Variants in ERBB4 observed in about 807,000 individuals in gnomAD.
The protein encoded by ERBB4 is erb-b2 receptor tyrosine kinase 4.
In ERBB4, 42 loss-of-function variants were observed where a neutral mutation model predicts 158.0. The ratio of observed to expected loss-of-function variants is 0.27; its 90% confidence interval spans 0.21 to 0.34. The LOEUF (loss-of-function observed/expected upper bound fraction) is 0.34. Among genes scored for constraint, ERBB4 ranks in the 10% least tolerant of loss-of-function variants. The probability of loss-of-function intolerance (pLI) is 1.00; values close to 1 mark genes in which losing one functional copy is unlikely to be tolerated. For synonymous variants in ERBB4, 583 were observed against 558.7 expected (o/e 1.04, Z -0.61); for missense variants, 1,333 against 1,624.1 (o/e 0.82, Z 3.08).
At chr2:212,156,939 A>G (rs985446407) in intron 1 of ERBB4, among the ~76,000 whole-genome samples, 7 of 152,114 alleles carry the variant, frequency 4.6e-5, no homozygotes, top group Non-Finnish European at 8.8e-5. Context: ...AATTACAGGA[A>G]TGGACTCCTA....
At chr2:212,247,075 A>G (rs1222190415) in intron 1 of ERBB4, among the ~76,000 whole-genome samples, 1 of 152,198 alleles carries the variant, frequency 6.6e-6, no homozygotes, top group Non-Finnish European at 1.5e-5. Context: ...TCAATAAATT[A>G]TAGGAAATAA....
At chr2:211,576,667 C>T (rs1488560676) in intron 19 of ERBB4, among the ~76,000 whole-genome samples, 2 of 152,002 alleles carry the variant, frequency 1.3e-5, no homozygotes, top group Non-Finnish European at 2.9e-5. Context: ...AGACATATAT[C>T]CTACTCTTAA....
chr2:211,665,585 C>A, intron 14 of ERBB4, 108 bp from the exon 15 acceptor site: 1 of 1,026,966 alleles, frequency 9.7e-7, no homozygotes, highest in Non-Finnish European at 1.5e-6. Context: ...GCAAATCTTC[C>A]TCTAAGAGAA....
intron 1 of ERBB4, among the ~76,000 whole-genome samples, chr2:212,338,067 A>G (rs1055473896): frequency 2.6e-5 from 4 of 152,088 alleles, no homozygotes; most frequent in Non-Finnish European, 5.9e-5. Context: ...TTGAATCCCA[A>G]TCCAGGAAAA....
chr2:212,140,846 A>AGT (rs35461019), intron 1 of ERBB4, among the ~76,000 whole-genome samples: 15,696 of 131,536 alleles, frequency 0.12, 954 homozygotes, highest in South Asian at 0.2. Flanking sequence ...AGGAAACATG[A>AGT]GTGTGTGTGT....
intron 1 of ERBB4, among the ~76,000 whole-genome samples, chr2:212,255,029 C>T (rs865987520): frequency 4.1e-4 from 63 of 152,118 alleles, no homozygotes; most frequent in African/African-American, 1.3e-3. Context: ...CACCTTTATA[C>T]ACATGTGCAA....
chr2:211,487,079 G>A (rs2065224903), intron 20 of ERBB4, among the ~76,000 whole-genome samples: 2 of 151,100 alleles, frequency 1.3e-5, no homozygotes, highest in Admixed American at 6.6e-5. Flanking sequence ...CATGTGCCAC[G>A]TTGGTGTGCT....
intron 1 of ERBB4, among the ~76,000 whole-genome samples, chr2:212,157,957 A>T (rs1486673645): frequency 6.6e-6 from 1 of 152,088 alleles, no homozygotes; most frequent in Admixed American, 6.6e-5. Flanking sequence ...TTCTGTCACC[A>T]TGTTGCCTAT....
At chr2:212,179,968 G>T (rs2081804624) in intron 1 of ERBB4, among the ~76,000 whole-genome samples, 1 of 151,526 alleles carries the variant, frequency 6.6e-6, no homozygotes, top group Admixed American at 6.6e-5. Flanking sequence ...TAAATCTCTG[G>T]CATCTAGAAA....
chr2:212,195,682 T>C (rs1354379655), intron 1 of ERBB4, among the ~76,000 whole-genome samples: 3 of 151,962 alleles, frequency 2.0e-5, no homozygotes, highest in Non-Finnish European at 1.5e-5. Context: ...CTTTATATAA[T>C]AAAAATAAAC....
In ERBB4 at chr2:211,383,536, G is replaced by A; in HGVS notation, c.*79C>T. 8.2e-7 allele frequency: 1 copy of A among 1,220,140 alleles called. No individual in the cohort carries two copies. The highest frequency in any genetic ancestry group is 1.7e-5 in the Admixed American group (1 of 58,204). The allele number at this position is 1,220,140 out of a possible 1,614,324, so 75.6% of individuals were successfully genotyped here. On this transcript the variant is annotated 3_prime_UTR_variant, in exon 28 of 28. Coordinates refer to ENST00000342788, the MANE Select transcript of ERBB4 (RefSeq NM_005235.3). ...CAAAACTACTGGCCTTGGGGTAGAAGGAAGACCACCAGAGAAAGAGAGGGG... is the reference window on the plus strand; with the variant it reads ...CAAAACTACTGGCCTTGGGGTAGAAAGAAGACCACCAGAGAAAGAGAGGGG...
chr2:211,523,833 T>C (rs1268339784), intron 20 of ERBB4, among the ~76,000 whole-genome samples: 1 of 152,056 alleles, frequency 6.6e-6, no homozygotes, highest in South Asian at 2.1e-4. Context: ...GCAGCCTGCT[T>C]TTATTCTCTT....
chr2:211,697,643 A>T (rs957006514), intron 12 of ERBB4, among the ~76,000 whole-genome samples: 12 of 152,208 alleles, frequency 7.9e-5, no homozygotes, highest in Non-Finnish European at 1.2e-4. Context: ...TACAAGATTT[A>T]AAAAAAGATA....
chr2:212,177,218 T>G (rs2081696101), intron 1 of ERBB4, among the ~76,000 whole-genome samples: 1 of 151,752 alleles, frequency 6.6e-6, no homozygotes, highest in African/African-American at 2.4e-5. Flanking sequence ...GATCATCTAA[T>G]GGATTGTTAA....
chr2:211,566,591 A>G (rs920530504), intron 19 of ERBB4, among the ~76,000 whole-genome samples: 12 of 152,306 alleles, frequency 7.9e-5, no homozygotes, highest in African/African-American at 2.6e-4. Flanking sequence ...ATGTTAGCCA[A>G]CTTAAATGAT....
intron 1 of ERBB4, among the ~76,000 whole-genome samples, chr2:212,473,363 T>C (rs1020511009): frequency 6.6e-6 from 1 of 152,054 alleles, no homozygotes; most frequent in East Asian, 1.9e-4. Context: ...ACACTTGCCA[T>C]TTTCCAAAAC....
chr2:211,814,467 G>A (rs1216441486), intron 3 of ERBB4, among the ~76,000 whole-genome samples: 3 of 151,960 alleles, frequency 2.0e-5, no homozygotes, highest in African/African-American at 2.4e-5. Context: ...GTAGCAAATT[G>A]CACAGAAAAT....
intron 2 of ERBB4, among the ~76,000 whole-genome samples, chr2:212,011,866 T>A (rs1288293951): frequency 6.6e-6 from 1 of 152,226 alleles, no homozygotes; most frequent in Non-Finnish European, 1.5e-5. Flanking sequence ...GGCCATTGCC[T>A]GGACCTATTA....
intron 19 of ERBB4, among the ~76,000 whole-genome samples, chr2:211,602,426 T>G (rs2068829904): frequency 6.6e-6 from 1 of 152,070 alleles, no homozygotes; most frequent in South Asian, 2.1e-4. Context: ...CAGCAGCTGC[T>G]GATCACTTGT....
Sources: gnomAD v4.1 joint callset for allele counts (sites outside exome capture counted in the v4.1 genomes callset) on GRCh38, gnomAD v4.1.1 for gene constraint, MANE v1.5 for transcripts, NCBI Gene and HGNC (gene_info 2026-07-23, HGNC 2026-07-21) for gene names.